MB21D2: variants seen among roughly 807,000 people sequenced by gnomAD.
MB21D2 encodes the protein Mab-21 domain containing 2.
In MB21D2, 9 loss-of-function variants were observed where a neutral mutation model predicts 33.3. The ratio of observed to expected loss-of-function variants is 0.27; its 90% confidence interval spans 0.16 to 0.47. The LOEUF (loss-of-function observed/expected upper bound fraction) is 0.47. Among genes scored for constraint, MB21D2 ranks in the 20% least tolerant of loss-of-function variants. The pLI is 0.99. For missense variants in MB21D2, 540 were observed against 624.6 expected, an observed-to-expected ratio of 0.86 and a Z score of 1.44; for synonymous variants, 241 against 236.3, an observed-to-expected ratio of 1.02 and a Z score of -0.18.
intron 1 of MB21D2, among the ~76,000 whole-genome samples, chr3:192,824,758 CTT>C (rs1712137590): frequency 6.6e-6 from 1 of 152,138 alleles, no homozygotes; most frequent in African/African-American, 2.4e-5. Flanking sequence ...AGTGTTAACT[CTT>C]TGCCATTCAT....
intron 1 of MB21D2, among the ~76,000 whole-genome samples, chr3:192,893,975 G>T (rs1713911299): frequency 6.6e-6 from 1 of 152,076 alleles, no homozygotes; most frequent in Non-Finnish European, 1.5e-5. Context: ...GTTAGAGGCT[G>T]CCTGAGCTAT....
At chr3:192,826,155 C>T (rs997822606) in intron 1 of MB21D2, among the ~76,000 whole-genome samples, 2 of 152,190 alleles carry the variant, frequency 1.3e-5, no homozygotes, top group African/African-American at 4.8e-5. Flanking sequence ...ACTTAAAACA[C>T]TATGTGCTTT....
At chr3:192,867,530 T>C (rs1713196047) in intron 1 of MB21D2, among the ~76,000 whole-genome samples, 1 of 152,216 alleles carries the variant, frequency 6.6e-6, no homozygotes, top group South Asian at 2.1e-4. Context: ...GTTTCTGTCC[T>C]GGTTGCTGTT....
chr3:192,866,394 G>A (rs1713168761), intron 1 of MB21D2, among the ~76,000 whole-genome samples: 1 of 152,128 alleles, frequency 6.6e-6, no homozygotes, highest in South Asian at 2.1e-4. Context: ...TGCGTCTTCT[G>A]GTTAGATCTC....
At chr3:192,889,411 G>C (rs1029267815) in intron 1 of MB21D2, among the ~76,000 whole-genome samples, 79 of 152,082 alleles carry the variant, frequency 5.2e-4, no homozygotes, top group African/African-American at 1.9e-3. Flanking sequence ...TCAATGGGCT[G>C]CTTATTACAG....
Position 192,894,486 on chromosome 3 carries a change from T to C in MB21D2, c.211+23144A>G, listed in dbSNP as rs148484778. On this transcript the variant is annotated intron_variant, in intron 1 of 1. Coordinates refer to ENST00000392452, the MANE Select transcript of MB21D2 (RefSeq NM_178496.4). ...CTTTTTGCCCAATCCTGTACCTGGC[T>C]TCCCTTGAAGATAAGCACAGGGACT... 2.1e-3 allele frequency among the ~76,000 whole-genome samples: 322 copies of C among 152,262 alleles called. 1 individual carries two copies. Among genetic ancestry groups the C allele is most frequent in the Non-Finnish European group, 3.8e-3 (256 of 68,014 alleles).
chr3:192,859,465 T>C (rs1712991341), intron 1 of MB21D2, among the ~76,000 whole-genome samples: 1 of 151,962 alleles, frequency 6.6e-6, no homozygotes, highest in African/African-American at 2.4e-5. Context: ...AGATTTCACC[T>C]TTCCAGTAAG....
In MB21D2 at chr3:192,905,635, C is replaced by CAA. The variant is rs142676577; in HGVS notation, c.211+11993_211+11994dup. The stretch of plus-strand genomic sequence containing the variant: ...CTGAGTGACAGAGCACGCCCTGTCT[C>CAA]AAAAAAAAAAAAAAAAAAAGAAAAA... On this transcript the variant is annotated intron_variant, in intron 1 of 1. Transcript: ENST00000392452. 2.0e-3 allele frequency among the ~76,000 whole-genome samples: 171 copies of CAA among 84,956 alleles called. 2 individuals carry two copies. The highest frequency in any genetic ancestry group is 8.0e-3 in the African/African-American group (162 of 20,342). 55.7% of individuals were successfully genotyped at this position (84,956 alleles called of 152,430 possible).
intron 1 of MB21D2, among the ~76,000 whole-genome samples, chr3:192,815,860 A>C (rs1711910566): frequency 1.3e-5 from 2 of 152,146 alleles, no homozygotes; most frequent in Admixed American, 6.5e-5. Flanking sequence ...TCCTCTATTC[A>C]ATCTCAAGCA....
intron 1 of MB21D2, among the ~76,000 whole-genome samples, chr3:192,863,472 C>T (rs6444668): frequency 0.5 from 75,346 of 152,046 alleles, 19,257 homozygotes; most frequent in African/African-American, 0.6. Context: ...TCAAAAGGAA[C>T]GTTAGCACAT....
intron 1 of MB21D2, among the ~76,000 whole-genome samples, chr3:192,907,819 G>T (rs1368170018): frequency 6.6e-6 from 1 of 152,066 alleles, no homozygotes; most frequent in African/African-American, 2.4e-5. Flanking sequence ...CACACTAAAC[G>T]CCATAATGAG....
intron 1 of MB21D2, among the ~76,000 whole-genome samples, chr3:192,898,978 T>G (rs1714036158): frequency 6.6e-6 from 1 of 152,166 alleles, no homozygotes; most frequent in Admixed American, 6.5e-5. Context: ...CCAACGTGGT[T>G]GAAATGAGAG....
chr3:192,802,808 A>G (rs1288264308), intron 1 of MB21D2, among the ~76,000 whole-genome samples: 1 of 152,246 alleles, frequency 6.6e-6, no homozygotes, highest in African/African-American at 2.4e-5. Context: ...ACATCCTTTC[A>G]TTCTACCATT....
chr3:192,831,995 A>C (rs1712325350), intron 1 of MB21D2, among the ~76,000 whole-genome samples: 1 of 152,232 alleles, frequency 6.6e-6, no homozygotes, highest in African/African-American at 2.4e-5. Flanking sequence ...ATTTATACTC[A>C]AAATGACTGC....
chr3:192,822,690 T>C (rs1185305531), intron 1 of MB21D2, among the ~76,000 whole-genome samples: 3 of 152,200 alleles, frequency 2.0e-5, no homozygotes, highest in African/African-American at 7.2e-5. Flanking sequence ...AACAGAAATA[T>C]TCCACTGATC....
chr3:192,892,773 G>A (rs1212056118), intron 1 of MB21D2, among the ~76,000 whole-genome samples: 2 of 152,084 alleles, frequency 1.3e-5, no homozygotes, highest in East Asian at 1.9e-4. Flanking sequence ...CAGCTGGTAC[G>A]AGCAGACCCA....
intron 1 of MB21D2, among the ~76,000 whole-genome samples, chr3:192,882,147 C>T (rs113920943): frequency 4.6e-5 from 7 of 151,920 alleles, no homozygotes; most frequent in African/African-American, 9.7e-5. Flanking sequence ...TTTTTTTAGA[C>T]GGAGTTTCAC....
At chr3:192,831,244 C>T (rs1485264583) in intron 1 of MB21D2, among the ~76,000 whole-genome samples, 2 of 152,128 alleles carry the variant, frequency 1.3e-5, no homozygotes, top group Non-Finnish European at 2.9e-5. Context: ...TGAGCCGAGG[C>T]CTCCCAACTG....
intron 1 of MB21D2, among the ~76,000 whole-genome samples, chr3:192,915,618 A>G (rs1714447883): frequency 6.6e-6 from 1 of 152,220 alleles, no homozygotes; most frequent in Non-Finnish European, 1.5e-5. Context: ...ACTGGGTAAA[A>G]AGGAATAGAA....
Sources: allele counts gnomAD v4.1 joint callset (sites outside exome capture counted in the v4.1 genomes callset), GRCh38; gene constraint gnomAD v4.1.1; transcripts MANE v1.5; gene names NCBI Gene and HGNC (gene_info 2026-07-23, HGNC 2026-07-21).